The following ME1 variants were observed in gnomAD, a reference collection of about 807,000 sequenced individuals.
The protein encoded by ME1 is NADP-dependent malic enzyme.
In ME1, 74 loss-of-function variants were observed where a neutral mutation model predicts 66.4. That is an observed-to-expected ratio of 1.11 (90% CI 0.92 to 1.35). The LOEUF is 1.35. Among genes scored for constraint, ME1 ranks in the 40% most tolerant of loss-of-function variants. The pLI is 0.00. For missense variants in ME1, 750 were observed against 694.1 expected, an observed-to-expected ratio of 1.08 and a Z score of -0.90; for synonymous variants, 251 against 235.6, an observed-to-expected ratio of 1.07 and a Z score of -0.60.
rs1256843725 is a variant in ME1, at chr6:83,418,633, A to T, written c.79-10732T>A. Among the ~76,000 whole-genome samples, 7 of 152,212 alleles carry T rather than the reference A, an allele frequency of 4.6e-5. No homozygotes were observed. In the East Asian group the frequency reaches 1.3e-3, roughly 29 times the overall value. On this transcript the variant is annotated intron_variant, in intron 1 of 13. Transcript: ENST00000369705. The stretch of plus-strand genomic sequence containing the variant: ...CCCTGTGGCTTAAGCAAGTTGACAG[A>T]TAAAATTAATCATCACACTCACAGA...
intron 5 of ME1, among the ~76,000 whole-genome samples, chr6:83,317,953 G>C (rs1216765839): frequency 6.6e-6 from 1 of 151,408 alleles, no homozygotes; most frequent in South Asian, 2.1e-4. Context: ...CCAAAACAGA[G>C]ATATAGATCA....
At chr6:83,282,026 A>G (rs1313196667) in intron 6 of ME1, among the ~76,000 whole-genome samples, 1 of 151,848 alleles carries the variant, frequency 6.6e-6, no homozygotes, top group Non-Finnish European at 1.5e-5. Flanking sequence ...ATTTCTAAAT[A>G]GAATTGAAAG....
intron 5 of ME1, among the ~76,000 whole-genome samples, chr6:83,330,022 T>C (rs780183343): frequency 2.0e-4 from 30 of 152,178 alleles, no homozygotes; most frequent in African/African-American, 6.3e-4. Context: ...GTCTTGCTTA[T>C]GTTGCCCAGG....
At chr6:83,251,493 C>CAA (rs113389971) in intron 7 of ME1, among the ~76,000 whole-genome samples, 4 of 147,122 alleles carry the variant, frequency 2.7e-5, no homozygotes, top group African/African-American at 7.4e-5. Flanking sequence ...GACTCTGTCT[C>CAA]AAAAAAAAAA....
At chr6:83,338,006 T>G (rs1768515861) in intron 5 of ME1, among the ~76,000 whole-genome samples, 1 of 24,192 alleles carries the variant, frequency 4.1e-5, no homozygotes, top group African/African-American at 2.1e-4. Context: ...GGTATTCAAT[T>G]AGGAAAAGAG....
rs534734218 is a variant in ME1 at position 83,256,735 on chromosome 6, C to T, written c.705-2997G>A. 1.6e-3 allele frequency among the ~76,000 whole-genome samples: 238 copies of T among 152,034 alleles called. 2 individuals are homozygous for T. Among genetic ancestry groups the T allele is most frequent in the Admixed American group, 0.011 (168 of 15,256 alleles). On this transcript the variant is annotated intron_variant, in intron 6 of 13. Coordinates refer to ENST00000369705, the MANE Select transcript of ME1 (RefSeq NM_002395.6). ...TAAACCATTCTACTATAAAGACACA[C>T]GCACATGTATGTTTATTGTGGGACT...
intron 13 of ME1, among the ~76,000 whole-genome samples, chr6:83,214,378 T>C (rs1175209859): frequency 6.6e-6 from 1 of 152,150 alleles, no homozygotes; most frequent in Non-Finnish European, 1.5e-5. Flanking sequence ...CTGAACCTCC[T>C]GTACATCTTG....
chr6:83,282,608 T>A (rs1168067687), intron 6 of ME1, among the ~76,000 whole-genome samples: 1 of 152,070 alleles, frequency 6.6e-6, no homozygotes, highest in Non-Finnish European at 1.5e-5. Flanking sequence ...AGTCAGGAAA[T>A]AGCAGACGTT....
intron 7 of ME1, among the ~76,000 whole-genome samples, chr6:83,251,242 C>T (rs1790717904): frequency 6.6e-6 from 1 of 152,124 alleles, no homozygotes; most frequent in Admixed American, 6.6e-5. Context: ...TGCCTGTAAT[C>T]CCACCACTTT....
chr6:83,251,832 A>G (rs1242125617), intron 7 of ME1, among the ~76,000 whole-genome samples: 2 of 152,184 alleles, frequency 1.3e-5, no homozygotes, highest in African/African-American at 2.4e-5. Flanking sequence ...CCTAAGTACA[A>G]TGAAAATCCA....
At chr6:83,376,996 T>G (rs1407486118) in intron 3 of ME1, among the ~76,000 whole-genome samples, 1 of 152,084 alleles carries the variant, frequency 6.6e-6, no homozygotes. Context: ...TTCAAGTTTA[T>G]GACAAAAGTG....
At chr6:83,220,380 T>C (rs1335582172) in intron 12 of ME1, among the ~76,000 whole-genome samples, 1 of 152,160 alleles carries the variant, frequency 6.6e-6, no homozygotes, top group African/African-American at 2.4e-5. Context: ...AGGAGTCTAT[T>C]CCCAGGATAC....
At chr6:83,406,257 C>T (rs755360945) in intron 2 of ME1, among the ~76,000 whole-genome samples, 34 of 152,134 alleles carry the variant, frequency 2.2e-4, no homozygotes, top group Non-Finnish European at 3.1e-4. Context: ...ATTTTCACAT[C>T]GATGTTCATC....
At chr6:83,216,421 AT>A (rs1359000265) in intron 13 of ME1, 76 bp downstream of exon 13, 4 of 1,042,356 alleles carry the variant, frequency 3.8e-6, no homozygotes, top group Non-Finnish European at 4.4e-6. Context: ...AAGGAAGCAG[AT>A]TTTTAATATT....
intron 6 of ME1, among the ~76,000 whole-genome samples, chr6:83,276,984 G>A (rs1282623455): frequency 3.3e-5 from 5 of 152,194 alleles, no homozygotes; most frequent in Non-Finnish European, 7.3e-5. Context: ...AAACTGTTAA[G>A]TGGTTAAGAT....
chr6:83,396,258 G>A (rs2128550459), intron 3 of ME1, among the ~76,000 whole-genome samples: 1 of 152,160 alleles, frequency 6.6e-6, no homozygotes, highest in South Asian at 2.1e-4. Context: ...CAGCTACTCA[G>A]GAGGCTGAGC....
At chr6:83,322,313 T>C (rs1442607286) in intron 5 of ME1, among the ~76,000 whole-genome samples, 4 of 152,270 alleles carry the variant, frequency 2.6e-5, no homozygotes, top group East Asian at 1.9e-4. Context: ...GTTTGACTAA[T>C]TGACAAAAGT....
rs868349035 is a variant in ME1 at position 83,346,071 on chromosome 6, A to C, written c.600+102T>G. ...TTTGGAGAGAGAAAGAGAACCAGACAAAAAAGAATGAATTTTATGAGTTCC... is the reference window on the plus strand; with the variant it reads ...TTTGGAGAGAGAAAGAGAACCAGACCAAAAAGAATGAATTTTATGAGTTCC... On this transcript the variant is annotated intron_variant, in intron 5 of 13. Coordinates refer to ENST00000369705, the MANE Select transcript of ME1 (RefSeq NM_002395.6). 14 of 961,912 alleles carry C rather than the reference A, an allele frequency of 1.5e-5. No individual in the cohort carries two copies. In the Middle Eastern group the frequency reaches 7.0e-4, roughly 48 times the overall value. The allele number at this position is 961,912 out of a possible 1,614,324, so 59.6% of individuals were successfully genotyped here.
chr6:83,368,780 C>T (rs1281921307), intron 3 of ME1, among the ~76,000 whole-genome samples: 1 of 151,994 alleles, frequency 6.6e-6, no homozygotes, highest in Non-Finnish European at 1.5e-5. Flanking sequence ...ATCCTTAGAA[C>T]AGTCAGTTAT....
Sources: allele counts gnomAD v4.1 joint callset (sites outside exome capture counted in the v4.1 genomes callset), GRCh38; gene constraint gnomAD v4.1.1; transcripts MANE v1.5; gene names NCBI Gene and HGNC (gene_info 2026-07-23, HGNC 2026-07-21).